The following GPR158 variants were observed in gnomAD, a reference collection of about 807,000 sequenced individuals.
The protein encoded by GPR158 is G protein-coupled receptor 158.
GPR158 carries 30 observed loss-of-function variants against 78.2 expected under a neutral mutation model. The ratio of observed to expected loss-of-function variants is 0.38; its 90% CI spans 0.29 to 0.52. GPR158 has a LOEUF of 0.52. Among genes scored for constraint, GPR158 ranks in the 20% least tolerant of loss-of-function variants. GPR158 has a pLI of 0.83. For synonymous variants in GPR158, 581 were observed against 591.1 expected (o/e 0.98, Z 0.25); for missense variants, 1,463 against 1,523.5 (o/e 0.96, Z 0.66).
intron 2 of GPR158, among the ~76,000 whole-genome samples, chr10:25,229,974 A>G (rs1375839485): frequency 5.3e-5 from 8 of 152,316 alleles, no homozygotes; most frequent in African/African-American, 1.4e-4. Flanking sequence ...GAATGGACTG[A>G]TATGAACTTT....
At chr10:25,580,700 C>T (rs559999145) in intron 7 of GPR158, among the ~76,000 whole-genome samples, 33 of 152,060 alleles carry the variant, frequency 2.2e-4, no homozygotes, top group Non-Finnish European at 4.1e-4. Context: ...CACTGCATTA[C>T]TTGTTACTAT....
intron 2 of GPR158, among the ~76,000 whole-genome samples, chr10:25,315,532 T>C (rs945384093): frequency 2.0e-5 from 3 of 152,168 alleles, no homozygotes; most frequent in East Asian, 3.8e-4. Flanking sequence ...ATTCTTGAAC[T>C]AAATTGAAAA....
intron 2 of GPR158, among the ~76,000 whole-genome samples, chr10:25,361,953 C>G (rs1262112972): frequency 6.6e-6 from 1 of 151,864 alleles, no homozygotes; most frequent in Non-Finnish European, 1.5e-5. Context: ...TTGTGTCCTT[C>G]AGTGCACAAA....
chr10:25,394,696 T>C (rs992104363), intron 2 of GPR158, among the ~76,000 whole-genome samples: 1 of 152,168 alleles, frequency 6.6e-6, no homozygotes, highest in Non-Finnish European at 1.5e-5. Context: ...ATTAAAATAT[T>C]CAAGAAGGTC....
chr10:25,553,547 G>GA, intron 6 of GPR158, among the ~76,000 whole-genome samples: 1 of 152,200 alleles, frequency 6.6e-6, no homozygotes, highest in Middle Eastern at 3.4e-3. Flanking sequence ...GCATCCCATA[G>GA]AAATGTGAAC....
chr10:25,361,530 G>A (rs923621819), intron 2 of GPR158, among the ~76,000 whole-genome samples: 5 of 151,732 alleles, frequency 3.3e-5, no homozygotes, highest in South Asian at 2.1e-4. Flanking sequence ...CCATAGTGCC[G>A]GCACCATTTA....
chr10:25,302,067 CTTTTTTTTT>C (rs200536212), intron 2 of GPR158, among the ~76,000 whole-genome samples: 1 of 133,970 alleles, frequency 7.5e-6, no homozygotes, highest in African/African-American at 2.8e-5. Context: ...TAATTTGTTC[CTTTTTTTTT>C]TTTTTTTTTT....
intron 5 of GPR158, among the ~76,000 whole-genome samples, chr10:25,482,633 A>G (rs1227797655): frequency 6.6e-6 from 1 of 151,886 alleles, no homozygotes; most frequent in Non-Finnish European, 1.5e-5. Flanking sequence ...CTTTTCCCTT[A>G]TGATCTCATC....
chr10:25,373,038 T>C (rs1238417846), intron 2 of GPR158, among the ~76,000 whole-genome samples: 1 of 151,786 alleles, frequency 6.6e-6, no homozygotes, highest in Non-Finnish European at 1.5e-5. Flanking sequence ...AGCAAAGGCA[T>C]GGAATCAACC....
chr10:25,548,453 C>T (rs1368381231), intron 5 of GPR158, among the ~76,000 whole-genome samples: 2 of 152,164 alleles, frequency 1.3e-5, no homozygotes, highest in South Asian at 2.1e-4. Flanking sequence ...TTAGCCAATA[C>T]TTATTGAATA....
intron 4 of GPR158, among the ~76,000 whole-genome samples, chr10:25,424,155 T>G (rs1307898167): frequency 6.6e-6 from 1 of 152,214 alleles, no homozygotes; most frequent in Non-Finnish European, 1.5e-5. Context: ...TTTTTTCATG[T>G]GTCTGTTGGC....
At chr10:25,178,783 G>A (rs531206254) in intron 1 of GPR158, among the ~76,000 whole-genome samples, 1 of 152,272 alleles carries the variant, frequency 6.6e-6, no homozygotes, top group Admixed American at 6.5e-5. Flanking sequence ...AAATCTTACA[G>A]GCATCAGATA....
intron 5 of GPR158, among the ~76,000 whole-genome samples, chr10:25,536,908 A>G (rs74628753): frequency 0.011 from 1,626 of 152,298 alleles, 33 homozygotes; most frequent in African/African-American, 0.037. Context: ...CTACTGAAGC[A>G]CACTTTGCAT....
chr10:25,540,946 ATATATAT>A (rs1836572159), intron 5 of GPR158, among the ~76,000 whole-genome samples: 2 of 17,250 alleles, frequency 1.2e-4, no homozygotes, highest in African/African-American at 2.7e-4. Context: ...TATAATAAAA[ATATATAT>A]ATATATATAT....
rs551452792 is a variant in GPR158 at position 25,572,589 on chromosome 10, T to A, written c.1515-60T>A. On this transcript the variant is annotated intron_variant, in intron 6 of 10. Coordinates refer to ENST00000376351, the MANE Select transcript of GPR158 (RefSeq NM_020752.3). ...ATTTTACCTAGAAAAATAAGTTATT[T>A]TAGAGTTATACTTTCTGAATGTTAG... 4.0e-5 allele frequency: 42 copies of A among 1,058,482 alleles called. No homozygotes were observed. In the East Asian group the frequency reaches 9.5e-4, roughly 24 times the overall value. The allele number at this position is 1,058,482 out of a possible 1,614,324, so 65.6% of individuals were successfully genotyped here.
chr10:25,192,882 A>G (rs1400315366), intron 1 of GPR158, among the ~76,000 whole-genome samples: 4 of 152,242 alleles, frequency 2.6e-5, no homozygotes, highest in Non-Finnish European at 5.9e-5. Context: ...CACATAAGAT[A>G]TTCAACACTT....
At chr10:25,384,427 TGAA>T (rs373872485) in intron 2 of GPR158, among the ~76,000 whole-genome samples, 3 of 152,152 alleles carry the variant, frequency 2.0e-5, no homozygotes, top group South Asian at 2.1e-4. Context: ...TTCTGACTCA[TGAA>T]GAAGATGTTA....
intron 4 of GPR158, among the ~76,000 whole-genome samples, chr10:25,415,930 A>T (rs1834652521): frequency 6.6e-6 from 1 of 152,134 alleles, no homozygotes; most frequent in African/African-American, 2.4e-5. Flanking sequence ...TTATGGTAAT[A>T]GTTGCACTAC....
At chr10:25,190,476 G>T (rs760755822) in intron 1 of GPR158, among the ~76,000 whole-genome samples, 1 of 152,002 alleles carries the variant, frequency 6.6e-6, no homozygotes, top group Non-Finnish European at 1.5e-5. Context: ...GAGACTACAG[G>T]TGTGCACCAC....
Sources: allele counts gnomAD v4.1 joint callset (sites outside exome capture counted in the v4.1 genomes callset), GRCh38; gene constraint gnomAD v4.1.1; transcripts MANE v1.5; gene names NCBI Gene and HGNC (gene_info 2026-07-23, HGNC 2026-07-21).